The following PPP1R13L variants were observed in gnomAD, a reference collection of about 807,000 sequenced individuals.
PPP1R13L encodes the protein protein phosphatase 1 regulatory subunit 13 like, also known as relA-associated inhibitor.
A neutral mutation model predicts 80.9 loss-of-function variants in PPP1R13L; 50 were observed. That is an observed-to-expected ratio of 0.62 (90% CI 0.49 to 0.78). The LOEUF (loss-of-function observed/expected upper bound fraction) is 0.78, where lower values mean the gene tolerates loss of function less well. Ranked by LOEUF, PPP1R13L falls within the 30% of genes least tolerant of loss-of-function variation. The probability of loss-of-function intolerance (pLI) is 0.00; values close to 1 mark genes in which losing one functional copy is unlikely to be tolerated. For missense variants in PPP1R13L, 1,200 were observed against 1,205.9 expected, an observed-to-expected ratio of 1.00 and a Z score of 0.07; for synonymous variants, 602 against 534.3, an observed-to-expected ratio of 1.13 and a Z score of -1.75.
At chr19:45,385,116 G>A (rs952441936) in intron 11 of PPP1R13L, among the ~76,000 whole-genome samples, 19 of 152,076 alleles carry the variant, frequency 1.2e-4, no homozygotes, top group African/African-American at 4.1e-4. Context: ...CCTGCCCCCT[G>A]GAGAGATAGG....
intron 6 of PPP1R13L, 67 bp from the exon 7 acceptor site, chr19:45,395,953 AAGACG>A: frequency 1.4e-6 from 2 of 1,418,740 alleles, no homozygotes; most frequent in Non-Finnish European, 1.9e-6. Context: ...GTAAAGACAA[AAGACG>A]AGAAGGGAGA....
At chr19:45,385,496 A>T (rs1159455469) in intron 11 of PPP1R13L, 66 bp downstream of exon 11, 21 of 1,462,658 alleles carry the variant, frequency 1.4e-5, no homozygotes, top group Non-Finnish European at 1.9e-5. Flanking sequence ...AGTAGGGGGT[A>T]GTTGCTCCCC....
In PPP1R13L at chr19:45,389,934, C is replaced by CA. The variant is rs532061920; in HGVS notation, c.1815+1945dup. 3.2e-3 allele frequency among the ~76,000 whole-genome samples: 483 copies of CA among 151,286 alleles called. 3 individuals carry two copies. Among genetic ancestry groups the CA allele is most frequent in the Middle Eastern group, 0.017 (5 of 292 alleles). ...TCAGCCTCCAGAGTAGCTGGGACTA[C>CA]AGGCGCCCGCCACCACCCCCAGCTA... On this transcript the variant is annotated intron_variant, in intron 8 of 12. Coordinates refer to ENST00000360957, the MANE Select transcript of PPP1R13L (RefSeq NM_006663.4).
chr19:45,384,366 CAAAAAA>C (rs770216477), intron 11 of PPP1R13L, among the ~76,000 whole-genome samples: 2 of 91,288 alleles, frequency 2.2e-5, no homozygotes, highest in East Asian at 3.1e-4. Flanking sequence ...ACTAAAAATA[CAAAAAA>C]AAAAAAAAAA....
chr19:45,382,607 T>C lies in PPP1R13L; in HGVS notation c.2368A>G (p.Arg790Gly), dbSNP rs753343416. 4 of 1,613,652 alleles carry C rather than the reference T, an allele frequency of 2.5e-6. No homozygotes were observed. Among genetic ancestry groups the C allele is most frequent in the Admixed American group, 3.3e-5 (2 of 60,014 alleles). ...REGESVTVLR[R>G]DGPEETDWWW... Reference sequence around the variant, plus strand: ...CAGTCGGTCTCCTCCGGCCCGTCCCTCCGCAGCACGGTGACCGACTCGCCC... The same window carrying C: ...CAGTCGGTCTCCTCCGGCCCGTCCCCCCGCAGCACGGTGACCGACTCGCCC... Residue 790 changes from arginine (R) to glycine (G), a missense_variant, in exon 12 of 13, where the codon AGG becomes GGG. Transcript: ENST00000360957.
At chr19:45,387,642 C>T (rs960620516) in intron 8 of PPP1R13L, among the ~76,000 whole-genome samples, 1 of 152,114 alleles carries the variant, frequency 6.6e-6, no homozygotes, top group East Asian at 1.9e-4. Context: ...GCAAGCTCCG[C>T]CTCCCGGGTT....
rs892506829 is a variant in PPP1R13L, at chr19:45,397,025, G to A, written c.232C>T (p.Pro78Ser). ...PRYSSSSIPE[P>S]FGSRGSPRKA... is the part of the protein sequence containing the mutation. Reference sequence around the variant, plus strand: ...CGGGGGGACCCTCGGCTGCCGAAGGGCTCAGGGATCGAGCTGGAGCTGTAC... The same window carrying A: ...CGGGGGGACCCTCGGCTGCCGAAGGACTCAGGGATCGAGCTGGAGCTGTAC... Residue 78 changes from proline (P) to serine (S), a missense_variant, in exon 4 of 13, where the codon CCC (proline) becomes TCC (serine). This residue lies in a region of PPP1R13L where 764 missense variants were observed against 714.5 expected (regional missense o/e 1.07). Transcript: ENST00000360957. 8 of 1,365,218 alleles carry A rather than the reference G, an allele frequency of 5.9e-6. No individual in the cohort carries two copies. The highest frequency in any genetic ancestry group is 7.5e-6 in the Non-Finnish European group (8 of 1,061,720). The allele number at this position is 1,365,218 out of a possible 1,614,324, so 84.6% of individuals were successfully genotyped here. A position where few individuals can be genotyped will look rare whatever the true frequency, so the allele number is the denominator to read the frequency against.
chr19:45,392,369 C>G, intron 7 of PPP1R13L, 29 bp from the exon 8 acceptor site: 1 of 1,605,048 alleles, frequency 6.2e-7, no homozygotes, highest in Non-Finnish European at 8.5e-7. Flanking sequence ...CATCAGAGGA[C>G]AGGTCCCCAG....
intron 11 of PPP1R13L, among the ~76,000 whole-genome samples, chr19:45,383,449 C>A (rs904225785): frequency 1.3e-5 from 2 of 151,400 alleles, no homozygotes; most frequent in Non-Finnish European, 2.9e-5. Context: ...TGTGCGCCAC[C>A]ATGCCTGGCC....
rs377461089 is a variant in PPP1R13L at position 45,382,763 on chromosome 19, C to T, written c.2249-37G>A. 391 of 1,607,946 alleles carry T rather than the reference C, an allele frequency of 2.4e-4. 3 individuals carry two copies. The South Asian group carries it at 3.2e-3, about 13-fold the overall frequency. The stretch of plus-strand genomic sequence containing the variant: ...CACGGAGGGGAAGGTGAGAGCCTGG[C>T]CCAGGGGGTCCAGGAACAGGGGCCA... On this transcript the variant is annotated intron_variant, in intron 11 of 12. Coordinates refer to ENST00000360957, the MANE Select transcript of PPP1R13L (RefSeq NM_006663.4).
upstream of PPP1R13L, among the ~76,000 whole-genome samples, chr19:45,405,821 C>A (rs1973335753): frequency 6.6e-6 from 1 of 152,220 alleles, no homozygotes; most frequent in Non-Finnish European, 1.5e-5. Flanking sequence ...GCGGCTCCAA[C>A]CGCCGCCCAA....
At chr19:45,389,253 A>T (rs1972923599) in intron 8 of PPP1R13L, among the ~76,000 whole-genome samples, 1 of 152,156 alleles carries the variant, frequency 6.6e-6, no homozygotes, top group Non-Finnish European at 1.5e-5. Flanking sequence ...CTGAGCCTCA[A>T]GGTTCCTTGC....
At chr19:45,391,103 C>T (rs1046741503) in intron 8 of PPP1R13L, among the ~76,000 whole-genome samples, 1 of 151,576 alleles carries the variant, frequency 6.6e-6, no homozygotes. Flanking sequence ...GAAGCTAAAG[C>T]GGGAGGATGG....
chr19:45,395,166 A>T (rs1315592861), intron 7 of PPP1R13L: 1 of 468,344 alleles, frequency 2.1e-6, no homozygotes, highest in Non-Finnish European at 3.8e-6. Flanking sequence ...TTTTACACTC[A>T]AGAAAATTGA....
chr19:45,398,377 G>C, intron 1 of PPP1R13L, 38 bp from the exon 2 acceptor site: 3 of 1,592,936 alleles, frequency 1.9e-6, no homozygotes, highest in Non-Finnish European at 2.6e-6. Flanking sequence ...CTAAGACCCC[G>C]CCCCTCTAGA....
intron 8 of PPP1R13L, among the ~76,000 whole-genome samples, chr19:45,389,709 C>A (rs1202214701): frequency 2.0e-5 from 3 of 152,216 alleles, no homozygotes; most frequent in Non-Finnish European, 4.4e-5. Context: ...ACTTGGGAGA[C>A]TGACGCAGGA....
chr19:45,399,020 T>C (rs1167003727), intron 1 of PPP1R13L, among the ~76,000 whole-genome samples: 3 of 152,016 alleles, frequency 2.0e-5, no homozygotes, highest in Non-Finnish European at 1.5e-5. Context: ...CTCGGCTCAC[T>C]GCAAGCTCCG....
intron 3 of PPP1R13L, 25 bp downstream of exon 3, chr19:45,397,980 A>ATGATCTCCACCTT (rs750373350): frequency 1.9e-6 from 3 of 1,593,302 alleles, no homozygotes; most frequent in Non-Finnish European, 2.6e-6. Flanking sequence ...CTGGCTTTGG[A>ATGATCTCCACCTT]GATCAAGGTG....
rs752888643 is a variant in PPP1R13L, at chr19:45,396,174, G to A, written c.897C>T (p.Thr299=). The A allele has an allele frequency of 3.7e-6, 6 of 1,607,050 alleles. No individual in the cohort carries two copies. In the African/African-American group the frequency reaches 5.4e-5, roughly 14 times the overall value. ...CCAGGCGTCGCCTCCTCACCTTGCCGGTGCCCCCCAGTCCATCCAGGCTGC... is the reference window on the plus strand; with the variant it reads ...CCAGGCGTCGCCTCCTCACCTTGCCAGTGCCCCCCAGTCCATCCAGGCTGC... ...RESSLDGLGG[T]GKDNLTSATL... Residue 299 remains threonine (T), a synonymous_variant, in exon 6 of 13, where the codon ACC becomes ACT. Transcript: ENST00000360957. The surrounding 1 kb of genome is among the most constrained non-coding windows in gnomAD (Gnocchi z 5.3).
Sources: gnomAD v4.1 joint callset for allele counts (sites outside exome capture counted in the v4.1 genomes callset) on GRCh38, gnomAD v4.1.1 for gene constraint, gnomAD v4.1.1 regional missense constraint, Gnocchi (gnomAD v3.1) non-coding constraint, MANE v1.5 for transcripts, NCBI Gene and HGNC (gene_info 2026-07-23, HGNC 2026-07-21) for gene names.